The following AVPR1B variants were observed in gnomAD, a reference collection of about 807,000 sequenced individuals.
The protein encoded by AVPR1B is arginine vasopressin receptor 1B.
Under a neutral mutation model 27.5 loss-of-function variants are expected in AVPR1B, and 25 were observed. The ratio of observed to expected loss-of-function variants is 0.91; its 90% CI spans 0.66 to 1.27. The LOEUF is 1.27. Among genes scored for constraint, AVPR1B ranks in the 50% most tolerant of loss-of-function variants. The probability of loss-of-function intolerance (pLI) is 0.00; values close to 1 mark genes in which losing one functional copy is unlikely to be tolerated. For synonymous variants in AVPR1B, 248 were observed against 240.2 expected (o/e 1.03, Z -0.30); for missense variants, 595 against 556.9 (o/e 1.07, Z -0.69).
chr1:206,113,887 G>T (rs1553290170), intron 1 of AVPR1B, among the ~76,000 whole-genome samples: 1 of 152,154 alleles, frequency 6.6e-6, no homozygotes, highest in African/African-American at 2.4e-5. Context: ...GGCTGAATGT[G>T]CCTGTGCCTA....
At chr1:206,112,542 T>G (rs1428639272) in intron 1 of AVPR1B, among the ~76,000 whole-genome samples, 1 of 152,136 alleles carries the variant, frequency 6.6e-6, no homozygotes, top group African/African-American at 2.4e-5. Flanking sequence ...GAGTGCAGTG[T>G]GTGATTATGG....
intron 1 of AVPR1B, among the ~76,000 whole-genome samples, chr1:206,111,981 G>A (rs1663389479): frequency 6.6e-6 from 1 of 152,198 alleles, no homozygotes; most frequent in Admixed American, 6.5e-5. Flanking sequence ...ATCACCTGAG[G>A]TCAGGAGTTC....
rs1553289122 is a variant in AVPR1B, at chr1:206,107,127, C to T, written c.*3062G>A. Among the ~76,000 whole-genome samples, 3 of 152,212 alleles carry T rather than the reference C, an allele frequency of 2.0e-5. No individual in the cohort carries two copies. Among genetic ancestry groups the T allele is most frequent in the African/African-American group, 7.2e-5 (3 of 41,446 alleles). ...CAACATAACGATTCTGAGAAATCCC[C>T]GTAGTCAACCGATGAACCCCTCCTG... On this transcript the variant is annotated 3_prime_UTR_variant, in exon 2 of 2. Coordinates refer to ENST00000367126, the MANE Select transcript of AVPR1B (RefSeq NM_000707.5).
In AVPR1B at chr1:206,110,415, A is replaced by G. The variant is rs781880005; in HGVS notation, c.1049T>C (p.Leu350Pro). 6.2e-7 allele frequency: 1 copy of G among 1,613,592 alleles called. No individual in the cohort carries two copies. The highest frequency in any genetic ancestry group is 1.1e-5 in the South Asian group (1 of 91,016). Residue 350 changes from leucine to proline, a missense_variant, in exon 2 of 2, where the codon CTG becomes CCG. Physicochemically the swap from Leu to Pro is moderately conservative, Grantham distance 98 (BLOSUM62 -3). Coordinates refer to ENST00000367126, the MANE Select transcript of AVPR1B (RefSeq NM_000707.5). ...ACCCCCACAGCAGGCAAGGTGACGC[A>G]GGGGCCGCGGTAACAGGTGGCTGTT... ...GFNSHLLPRP[L>P]RHLACCGGPQ... is the part of the protein sequence containing the mutation.
At position 206,114,725 on chromosome 1, in the gene AVPR1B, G is replaced by A. The variant is rs567722326; in HGVS notation, c.940+1226C>T. ...CACTTTTAAAATCAGGGTTATTAAT[G>A]GGGTTGAGGAAAAAGACAAGGAGAC... On this transcript the variant is annotated intron_variant, in intron 1 of 1. Coordinates refer to ENST00000367126, the MANE Select transcript of AVPR1B (RefSeq NM_000707.5). Among the ~76,000 whole-genome samples, 91 of 152,318 alleles carry A rather than the reference G, an allele frequency of 6.0e-4. 3 individuals are homozygous for A. The South Asian group carries it at 0.018, about 31-fold the overall frequency.
chr1:206,116,981 G>T lies in AVPR1B; in HGVS notation c.-91C>A. The T allele has an allele frequency of 1.7e-6, 2 of 1,191,146 alleles. No individual in the cohort carries two copies. The highest frequency in any genetic ancestry group is 1.5e-5 in the South Asian group (1 of 68,762). The allele number at this position is 1,191,146 out of a possible 1,614,324, so 73.8% of individuals were successfully genotyped here. ...ATAAAATGGAGTGGCAGGGGAGGTG[G>T]AGAGAAAGGAGAAGCGTTGAGAATG... On this transcript the variant is annotated 5_prime_UTR_variant, in exon 1 of 2. Transcript: ENST00000367126.
chr1:206,117,156 G>T lies in AVPR1B; in HGVS notation c.-266C>A. The stretch of plus-strand genomic sequence containing the variant: ...GTCAGGAAGATGGGGAATCAGGACG[G>T]GAAGAATGGGGGACGCTGTGCAGAG... On this transcript the variant is annotated 5_prime_UTR_variant, in exon 1 of 2. Coordinates refer to ENST00000367126, the MANE Select transcript of AVPR1B (RefSeq NM_000707.5). The T allele has an allele frequency of 4.1e-6, 2 of 488,624 alleles. No individual in the cohort carries two copies. Among genetic ancestry groups the T allele is most frequent in the Non-Finnish European group, 7.2e-6 (2 of 276,396 alleles). 30.3% of individuals were successfully genotyped at this position (488,624 alleles called of 1,614,324 possible). A position where few individuals can be genotyped will look rare whatever the true frequency, so the allele number is the denominator to read the frequency against.
At position 206,107,807 on chromosome 1, in the gene AVPR1B, A is replaced by C. The variant is rs1663304016; in HGVS notation, c.*2382T>G. On this transcript the variant is annotated 3_prime_UTR_variant, in exon 2 of 2. Transcript: ENST00000367126. ...GTCAGGACCCTGGAGGTCATCTACC[A>C]GATGCAATCTGGAGCCAGGCCATTG... Among the ~76,000 whole-genome samples, 4 of 152,244 alleles carry C rather than the reference A, an allele frequency of 2.6e-5. 1 individual carries two copies. In the South Asian group the frequency reaches 8.3e-4, roughly 32 times the overall value.
chr1:206,116,525 G>A lies in AVPR1B; in HGVS notation c.366C>T (p.Thr122=). Residue 122 remains threonine (T), a synonymous_variant, in exon 1 of 2, where the codon ACC becomes ACT. Transcript: ENST00000367126. ...YLQVLSMFAS[T]YMLLAMTLDR... is the part of the protein sequence containing the mutation. ...CCAGCGTCATGGCCAGCAGCATGTA[G>A]GTGGAGGCAAACATGCTGAGCACCT... 6.2e-7 allele frequency: 1 copy of A among 1,614,162 alleles called. No homozygotes were observed. Among genetic ancestry groups the A allele is most frequent in the Non-Finnish European group, 8.5e-7 (1 of 1,180,032 alleles).
chr1:206,116,580 T>C lies in AVPR1B; in HGVS notation c.311A>G (p.Asp104Gly). ...GTACTTGACGGCCCTGCACAGGAGG[T>C]CGGGGCCCTGGAAGCGGTAGGTGAT... ...WDITYRFQGPDLLCRAVKYLQ... is the reference protein window; with the variant it reads ...WDITYRFQGPGLLCRAVKYLQ... Residue 104 changes from aspartate (D) to glycine (G), a missense_variant, in exon 1 of 2, where the codon GAC becomes GGC. Physicochemically the swap from Asp to Gly is moderately conservative, Grantham distance 94. Coordinates refer to ENST00000367126, the MANE Select transcript of AVPR1B (RefSeq NM_000707.5). 1 of 1,613,360 alleles carries C rather than the reference T, an allele frequency of 6.2e-7. No individual in the cohort carries two copies. Among genetic ancestry groups the C allele is most frequent in the Non-Finnish European group, 8.5e-7 (1 of 1,179,850 alleles).
At chr1:206,115,294 A>G (rs1663445022) in intron 1 of AVPR1B, among the ~76,000 whole-genome samples, 1 of 151,962 alleles carries the variant, frequency 6.6e-6, no homozygotes, top group African/African-American at 2.4e-5. Flanking sequence ...ATCTCATTTC[A>G]CAGAGCTTAG....
rs782696904 is a variant in AVPR1B, at chr1:206,110,319, C to T, written c.1145G>A (p.Arg382His). The T allele has an allele frequency of 1.6e-5, 26 of 1,613,132 alleles. No individual in the cohort carries two copies. Among genetic ancestry groups the T allele is most frequent in the Middle Eastern group, 1.6e-4 (1 of 6,076 alleles). The change falls in exon 2 of 2, where the codon CGC (arginine) becomes CAC (histidine). Residue 382 changes from arginine (R) to histidine (H), a missense_variant. Physicochemically the swap from Arg to His is conservative, Grantham distance 29 (BLOSUM62 0). Coordinates refer to ENST00000367126, the MANE Select transcript of AVPR1B (RefSeq NM_000707.5). Reference sequence around the variant, plus strand: ...GCTGAGGGTGGCCGGGCAGCTGGAGCGGGTCAGCAGCGTGGTGTGGCGGCT... The same window carrying T: ...GCTGAGGGTGGCCGGGCAGCTGGAGTGGGTCAGCAGCGTGGTGTGGCGGCT... ...LSSRHTTLLT[R>H]SSCPATLSLS... is the part of the protein sequence containing the mutation.
chr1:206,116,856 G>T lies in AVPR1B; in HGVS notation c.35C>A (p.Thr12Asn). The T allele has an allele frequency of 6.2e-7, 1 of 1,613,566 alleles. No individual in the cohort carries two copies. The highest frequency in any genetic ancestry group is 8.5e-7 in the Non-Finnish European group (1 of 1,179,790). ...GGGGGCAGAGAGGGTGCCCCGAGGG[G>T]TGGGGTTGGCATCCCACAGAGGCCC... is the stretch of plus-strand genomic sequence containing the variant. ...DSGPLWDANPTPRGTLSAPNA... is the reference protein window; with the variant it reads ...DSGPLWDANPNPRGTLSAPNA... The change falls in exon 1 of 2, where the codon ACC (threonine) becomes AAC (asparagine). Residue 12 changes from threonine (T) to asparagine (N), a missense_variant. By Grantham distance (65) the Thr-to-Asn change is moderately conservative. Coordinates refer to ENST00000367126, the MANE Select transcript of AVPR1B (RefSeq NM_000707.5).
In AVPR1B at chr1:206,109,324, A is replaced by G. The variant is rs1193261292; in HGVS notation, c.*865T>C. Reference sequence around the variant, plus strand: ...TCCTCTGTGTAGCCCCCGGGGAAAGAGCAGGCTGGATTCCCTGGGGGGTGG... The same window carrying G: ...TCCTCTGTGTAGCCCCCGGGGAAAGGGCAGGCTGGATTCCCTGGGGGGTGG... On this transcript the variant is annotated 3_prime_UTR_variant, in exon 2 of 2. Coordinates refer to ENST00000367126, the MANE Select transcript of AVPR1B (RefSeq NM_000707.5). 6.6e-6 allele frequency among the ~76,000 whole-genome samples: 1 copy of G among 152,066 alleles called. No homozygotes were observed. Among genetic ancestry groups the G allele is most frequent in the Non-Finnish European group, 1.5e-5 (1 of 68,006 alleles).
rs559426807 is a variant in AVPR1B at position 206,117,067 on chromosome 1, G to A, written c.-177C>T. On this transcript the variant is annotated 5_prime_UTR_variant, in exon 1 of 2. Transcript: ENST00000367126. ...CAGAGGACTGGGATAGAGAGGAGGAGGGAGGATGAGATTCGGAAGGAGAAA... is the reference window on the plus strand; with the variant it reads ...CAGAGGACTGGGATAGAGAGGAGGAAGGAGGATGAGATTCGGAAGGAGAAA... The A allele has an allele frequency of 7.9e-5, 54 of 681,404 alleles. No homozygotes were observed. The East Asian group carries it at 1.3e-3, about 17-fold the overall frequency. The allele number at this position is 681,404 out of a possible 1,614,324, so 42.2% of individuals were successfully genotyped here.
In AVPR1B at chr1:206,108,733, T is replaced by A. The variant is rs1222443958; in HGVS notation, c.*1456A>T. ...TGCTGATGTTTCAGCTGATGTCTTT[T>A]CCACCAGCAAGGCTCTCTCTTCAAT... On this transcript the variant is annotated 3_prime_UTR_variant, in exon 2 of 2. Coordinates refer to ENST00000367126, the MANE Select transcript of AVPR1B (RefSeq NM_000707.5). Among the ~76,000 whole-genome samples the A allele has an allele frequency of 1.3e-5, 2 of 152,240 alleles. No individual in the cohort carries two copies. Among genetic ancestry groups the A allele is most frequent in the Non-Finnish European group, 2.9e-5 (2 of 68,046 alleles).
At chr1:206,112,285 C>T (rs1305998028) in intron 1 of AVPR1B, among the ~76,000 whole-genome samples, 1 of 152,042 alleles carries the variant, frequency 6.6e-6, no homozygotes, top group Non-Finnish European at 1.5e-5. Flanking sequence ...CAGTGTTGGA[C>T]GTGGGCCTGA....
intron 1 of AVPR1B, among the ~76,000 whole-genome samples, chr1:206,112,215 C>G (rs970950724): frequency 1.4e-4 from 22 of 151,954 alleles, no homozygotes; most frequent in African/African-American, 5.3e-4. Context: ...AAAAGAGAGA[C>G]AGGGAGAAAA....
At position 206,116,249 on chromosome 1, in the gene AVPR1B, C is replaced by A; in HGVS notation, c.642G>T (p.Met214Ile). The A allele has an allele frequency of 1.9e-6, 3 of 1,613,704 alleles. No homozygotes were observed. The highest frequency in any genetic ancestry group is 2.5e-6 in the Non-Finnish European group (3 of 1,180,028). Residue 214 changes from methionine to isoleucine, a missense_variant, in exon 1 of 2, where the codon ATG becomes ATT. Met to Ile is a conservative substitution (Grantham distance 10). Coordinates refer to ENST00000367126, the MANE Select transcript of AVPR1B (RefSeq NM_000707.5). The part of the protein sequence containing the change: ...TLAIFVLPVT[M>I]LTACYSLICH... ...AGATGAGGCTGTAGCAGGCCGTGAG[C>A]ATGGTCACCGGCAGAACGAAGATAG... is the stretch of plus-strand genomic sequence containing the variant.
Sources: allele counts gnomAD v4.1 joint callset (sites outside exome capture counted in the v4.1 genomes callset), GRCh38; gene constraint gnomAD v4.1.1; transcripts MANE v1.5; gene names NCBI Gene and HGNC (gene_info 2026-07-23, HGNC 2026-07-21).